The following FOXP2 variants were observed in gnomAD, a reference collection of about 807,000 sequenced individuals.
The protein encoded by FOXP2 is forkhead box protein P2.
FOXP2 carries 12 observed loss-of-function variants against 115.8 expected under a neutral mutation model. The ratio of observed to expected loss-of-function variants is 0.10; its 90% CI spans 0.07 to 0.17. FOXP2 has a LOEUF of 0.17. Among genes scored for constraint, FOXP2 ranks in the 10% least tolerant of loss-of-function variants. The probability of loss-of-function intolerance (pLI) is 1.00; values close to 1 mark genes in which losing one functional copy is unlikely to be tolerated. For missense variants in FOXP2, 629 were observed against 843.5 expected (o/e 0.75, Z 3.15); for synonymous variants, 328 against 297.7 (o/e 1.10, Z -1.05).
At chr7:114,571,113 G>A (rs1346397616) in intron 3 of FOXP2, among the ~76,000 whole-genome samples, 1 of 151,876 alleles carries the variant, frequency 6.6e-6, no homozygotes, top group Non-Finnish European at 1.5e-5. Context: ...TCTGTGAGTT[G>A]ACTACCTTAA....
Position 114,109,652 on chromosome 7 carries a change from GT to G in FOXP2, c.-247+21815del, listed in dbSNP as rs1177080182. Among the ~76,000 whole-genome samples the G allele has an allele frequency of 1.1e-4, 16 of 151,990 alleles. 1 individual carries two copies. Among genetic ancestry groups the G allele is most frequent in the Admixed American group, 2.0e-4 (3 of 15,230 alleles). ...TATTAACTTTTAATCATAAATGTAA[GT>G]CAATGTTTCATTCCAACTTTAGCTT... On this transcript the variant is annotated intron_variant, in intron 1 of 19. Coordinates refer to the FOXP2 transcript ENST00000635638.
intron 3 of FOXP2, among the ~76,000 whole-genome samples, chr7:114,588,648 G>A (rs1272566231): frequency 6.6e-6 from 1 of 152,072 alleles, no homozygotes; most frequent in Admixed American, 6.6e-5. Flanking sequence ...AGATATCCAA[G>A]CATATTGAAT....
chr7:114,121,966 G>A lies in FOXP2; in HGVS notation c.-247+34128G>A, dbSNP rs150365719. Among the ~76,000 whole-genome samples the A allele has an allele frequency of 1.5e-3, 221 of 152,128 alleles. 1 individual carries two copies. Among genetic ancestry groups the A allele is most frequent in the Non-Finnish European group, 2.6e-3 (176 of 67,982 alleles). On this transcript the variant is annotated intron_variant, in intron 1 of 19. Coordinates refer to the FOXP2 transcript ENST00000635638. ...ATTGAAATATTGATAACTGCCCCTC[G>A]GTAGGGGTACTGTAGAGGTAATTCC...
At chr7:114,504,355 G>A (rs746376860) in intron 2 of FOXP2, among the ~76,000 whole-genome samples, 3 of 151,440 alleles carry the variant, frequency 2.0e-5, no homozygotes, top group Admixed American at 1.3e-4. Flanking sequence ...AGAGTGTTGA[G>A]CCATGATGAT....
intron 2 of FOXP2, among the ~76,000 whole-genome samples, chr7:114,528,963 C>T (rs959293941): frequency 6.6e-5 from 10 of 151,740 alleles, no homozygotes; most frequent in Non-Finnish European, 1.5e-4. Context: ...AAAATCAGTC[C>T]TAATTTATCT....
chr7:114,482,791 CTG>C (rs1468862739), intron 2 of FOXP2, among the ~76,000 whole-genome samples: 1 of 151,644 alleles, frequency 6.6e-6, no homozygotes, highest in Non-Finnish European at 1.5e-5. Flanking sequence ...ATTAACTTGA[CTG>C]TTGTCTAATC....
intron 2 of FOXP2, among the ~76,000 whole-genome samples, chr7:114,445,085 A>G (rs1794775653): frequency 6.6e-6 from 1 of 150,804 alleles, no homozygotes; most frequent in Non-Finnish European, 1.5e-5. Context: ...TGACTCTTTT[A>G]CCTTGCTCAA....
intron 2 of FOXP2, among the ~76,000 whole-genome samples, chr7:114,465,431 G>A (rs1795760101): frequency 6.6e-6 from 1 of 152,180 alleles, no homozygotes; most frequent in South Asian, 2.1e-4. Context: ...TGAATAGGAT[G>A]CATAGAAACT....
chr7:114,679,403 T>C (rs891125428), intron 16 of FOXP2, among the ~76,000 whole-genome samples: 3 of 152,212 alleles, frequency 2.0e-5, no homozygotes, highest in Admixed American at 1.3e-4. Flanking sequence ...TTTTAGTAAG[T>C]TCCCATTTGG....
chr7:114,603,406 G>A (rs1395889113), intron 3 of FOXP2, among the ~76,000 whole-genome samples: 2 of 152,176 alleles, frequency 1.3e-5, no homozygotes, highest in Non-Finnish European at 2.9e-5. Flanking sequence ...TGCCTCCTCA[G>A]GATGAAACTG....
chr7:114,217,687 A>T (rs916558838), intron 1 of FOXP2, among the ~76,000 whole-genome samples: 1 of 152,196 alleles, frequency 6.6e-6, no homozygotes, highest in Admixed American at 6.5e-5. Flanking sequence ...AGAGTAATGA[A>T]GTCTAATGGG....
intron 1 of FOXP2, among the ~76,000 whole-genome samples, chr7:114,089,206 T>C (rs1799493963): frequency 6.6e-6 from 1 of 152,110 alleles, no homozygotes; most frequent in Admixed American, 6.5e-5. Flanking sequence ...TGATTAAATA[T>C]ACTAACTTTG....
intron 1 of FOXP2, among the ~76,000 whole-genome samples, chr7:114,261,133 T>G (rs2129171270): frequency 6.6e-6 from 1 of 152,312 alleles, no homozygotes; most frequent in East Asian, 1.9e-4. Flanking sequence ...TTGATGTACT[T>G]TCAATAAAAA....
intron 2 of FOXP2, among the ~76,000 whole-genome samples, chr7:114,379,524 T>A (rs779359567): frequency 2.6e-5 from 4 of 152,068 alleles, no homozygotes; most frequent in Non-Finnish European, 4.4e-5. Context: ...CAGTTGAGAT[T>A]TTCTCGGGAG....
chr7:114,439,338 C>T (rs1419201950), intron 2 of FOXP2, among the ~76,000 whole-genome samples: 1 of 152,100 alleles, frequency 6.6e-6, no homozygotes, highest in African/African-American at 2.4e-5. Context: ...CCTTCCTGAG[C>T]CTCTCCGGTT....
intron 2 of FOXP2, among the ~76,000 whole-genome samples, chr7:114,349,729 T>C (rs1044760243): frequency 3.3e-5 from 5 of 151,942 alleles, no homozygotes; most frequent in African/African-American, 1.2e-4. Flanking sequence ...GCATGTTTTA[T>C]AGTCAATTAA....
rs1420209004 is a variant in FOXP2, at chr7:114,256,185, C to T, written c.-101-31834C>T. On this transcript the variant is annotated intron_variant, in intron 1 of 17. Transcript: ENST00000634411. ...TGGCACAATCTTGGCTCACTGCAAGCTCTGCCTCCCAGGTTCAAGTGATTC... is the reference window on the plus strand; with the variant it reads ...TGGCACAATCTTGGCTCACTGCAAGTTCTGCCTCCCAGGTTCAAGTGATTC... 2.0e-5 allele frequency among the ~76,000 whole-genome samples: 3 copies of T among 152,290 alleles called. No homozygotes were observed. The South Asian group carries it at 6.2e-4, about 32-fold the overall frequency.
chr7:114,197,654 A>T (rs189210660), intron 1 of FOXP2, among the ~76,000 whole-genome samples: 1 of 152,270 alleles, frequency 6.6e-6, no homozygotes, highest in Admixed American at 6.5e-5. Context: ...ATAAAACAAG[A>T]TGTGATGCTA....
intron 3 of FOXP2, among the ~76,000 whole-genome samples, chr7:114,596,877 G>A (rs1312480556): frequency 6.6e-6 from 1 of 152,048 alleles, no homozygotes; most frequent in Non-Finnish European, 1.5e-5. Flanking sequence ...GGCCTCATTA[G>A]TAAACAAATT....
Sources: allele counts gnomAD v4.1 joint callset (sites outside exome capture counted in the v4.1 genomes callset), GRCh38; gene constraint gnomAD v4.1.1; transcripts MANE v1.5; gene names NCBI Gene and HGNC (gene_info 2026-07-23, HGNC 2026-07-21).